ZFHX3: variants seen among roughly 807,000 people sequenced by gnomAD.
ZFHX3 encodes the protein zinc finger homeobox protein 3.
ZFHX3 carries 42 observed loss-of-function variants against 279.1 expected under a neutral mutation model. That is an observed-to-expected ratio of 0.15 (90% CI 0.12 to 0.19). ZFHX3 has a LOEUF of 0.19. Ranked by LOEUF, ZFHX3 falls within the 10% of genes least tolerant of loss-of-function variation. ZFHX3 has a pLI of 1.00. For missense variants in ZFHX3, 4,981 were observed against 4,754.0 expected (o/e 1.05, Z -1.40); for synonymous variants, 2,293 against 1,957.8 (o/e 1.17, Z -4.52).
intron 1 of ZFHX3, among the ~76,000 whole-genome samples, chr16:73,732,844 G>C (rs1203449761): frequency 1.3e-5 from 2 of 152,166 alleles, no homozygotes; most frequent in Admixed American, 1.3e-4. Context: ...ATTTGCCTTT[G>C]CTGGTTTCTT....
At chr16:73,729,660 T>G (rs1030917264) in intron 1 of ZFHX3, among the ~76,000 whole-genome samples, 41 of 151,950 alleles carry the variant, frequency 2.7e-4, no homozygotes, top group Admixed American at 2.7e-3. Context: ...CACCATAGCA[T>G]CCTTGCCAAC....
chr16:73,585,648 G>A (rs2051918307), intron 2 of ZFHX3, among the ~76,000 whole-genome samples: 2 of 152,144 alleles, frequency 1.3e-5, no homozygotes, highest in African/African-American at 4.8e-5. Context: ...ACAAAAAGAT[G>A]TGATAAGGAA....
chr16:73,557,627 G>A (rs2020307603), intron 2 of ZFHX3, among the ~76,000 whole-genome samples: 1 of 152,170 alleles, frequency 6.6e-6, no homozygotes, highest in Non-Finnish European at 1.5e-5. Flanking sequence ...GCTGTTGGGA[G>A]TGTAGCAGTG....
At chr16:73,658,960 C>T (rs1389137854) in intron 2 of ZFHX3, among the ~76,000 whole-genome samples, 1 of 152,110 alleles carries the variant, frequency 6.6e-6, no homozygotes, top group African/African-American at 2.4e-5. Flanking sequence ...ACTTTCCCCC[C>T]AAATCCACCC....
At chr16:73,349,424 T>C (rs1225432833) in intron 3 of ZFHX3, among the ~76,000 whole-genome samples, 1 of 152,234 alleles carries the variant, frequency 6.6e-6, no homozygotes, top group Non-Finnish European at 1.5e-5. Flanking sequence ...TAGTGTGCTC[T>C]CGTAGGAGGT....
intron 5 of ZFHX3, among the ~76,000 whole-genome samples, chr16:73,198,992 C>T (rs930729815): frequency 1.3e-5 from 2 of 152,190 alleles, no homozygotes; most frequent in Non-Finnish European, 2.9e-5. Flanking sequence ...CAAATGTGAG[C>T]TCGGGGACTC....
chr16:73,357,108 A>G (rs2016355334), intron 3 of ZFHX3, among the ~76,000 whole-genome samples: 2 of 151,682 alleles, frequency 1.3e-5, no homozygotes, highest in African/African-American at 4.8e-5. Context: ...CCACTCCTCT[A>G]CTAGTGTTTC....
At chr16:73,253,114 C>T (rs2013558947) in intron 5 of ZFHX3, among the ~76,000 whole-genome samples, 1 of 152,192 alleles carries the variant, frequency 6.6e-6, no homozygotes, top group African/African-American at 2.4e-5. Context: ...CACCATTCCA[C>T]CCTCAACCCC....
chr16:73,012,764 T>C (rs186329993), intron 1 of ZFHX3, among the ~76,000 whole-genome samples: 1 of 152,336 alleles, frequency 6.6e-6, no homozygotes, highest in East Asian at 1.9e-4. Flanking sequence ...CAACCTATAC[T>C]TGTTCCAAAA....
At chr16:73,239,297 G>A (rs73597381) in intron 5 of ZFHX3, among the ~76,000 whole-genome samples, 2,545 of 152,264 alleles carry the variant, frequency 0.017, 86 homozygotes, top group African/African-American at 0.059. Context: ...TCTTTCAGGC[G>A]AGAGACAAGC....
In ZFHX3 at chr16:72,961,410, A is replaced by G. The variant is rs532278217; in HGVS notation, c.-49-1216T>C. On this transcript the variant is annotated intron_variant, in intron 1 of 9. Coordinates refer to ENST00000268489, the MANE Select transcript of ZFHX3 (RefSeq NM_006885.4). ...TCTGCTCCTGCAGTAATATCATCGC[A>G]GGGGCGATCATTCCGTCTGGCCCTG... 1.1e-4 allele frequency among the ~76,000 whole-genome samples: 16 copies of G among 152,308 alleles called. No individual in the cohort carries two copies. In the East Asian group the frequency reaches 2.9e-3, roughly 28 times the overall value.
At chr16:73,768,087 T>G (rs2053973507) in intron 1 of ZFHX3, among the ~76,000 whole-genome samples, 1 of 152,202 alleles carries the variant, frequency 6.6e-6, no homozygotes, top group South Asian at 2.1e-4. Flanking sequence ...GTCAAAGTGA[T>G]GCTACCAACC....
intron 4 of ZFHX3, among the ~76,000 whole-genome samples, chr16:72,860,412 C>G (rs894154654): frequency 2.0e-5 from 3 of 152,140 alleles, no homozygotes; most frequent in African/African-American, 7.2e-5. Context: ...TCCCTCCAAA[C>G]CACCTTCCAA....
At chr16:73,203,146 C>A (rs928248993) in intron 5 of ZFHX3, among the ~76,000 whole-genome samples, 3 of 152,078 alleles carry the variant, frequency 2.0e-5, no homozygotes, top group Non-Finnish European at 4.4e-5. Flanking sequence ...CCAGGAGTCA[C>A]TGACCCACAC....
chr16:73,819,961 A>G (rs529468530), intron 1 of ZFHX3, among the ~76,000 whole-genome samples: 2 of 152,296 alleles, frequency 1.3e-5, no homozygotes, highest in Admixed American at 6.5e-5. Flanking sequence ...TCATCCCACC[A>G]ACTCTTCTGC....
At chr16:72,899,980 C>T (rs1404637041) in intron 3 of ZFHX3, among the ~76,000 whole-genome samples, 1 of 151,946 alleles carries the variant, frequency 6.6e-6, no homozygotes, top group Non-Finnish European at 1.5e-5. Flanking sequence ...CCTTGGTTGA[C>T]AATAAAGAAA....
intron 5 of ZFHX3, among the ~76,000 whole-genome samples, chr16:73,214,866 T>TTC (rs2012148439): frequency 1.4e-5 from 2 of 147,480 alleles, no homozygotes; most frequent in Admixed American, 6.8e-5. Context: ...TTTTTTTTTT[T>TTC]TTCTGTTGTT....
chr16:73,444,798 C>T (rs1340211837), intron 3 of ZFHX3, among the ~76,000 whole-genome samples: 5 of 152,060 alleles, frequency 3.3e-5, no homozygotes, highest in Admixed American at 3.3e-4. Flanking sequence ...TCTGTATGTG[C>T]CACCTGACCT....
chr16:73,274,158 G>A (rs558790996), intron 4 of ZFHX3, among the ~76,000 whole-genome samples: 5 of 152,256 alleles, frequency 3.3e-5, no homozygotes, highest in Non-Finnish European at 5.9e-5. Context: ...AAAAAAAAGT[G>A]TAATAGTTAT....
Sources: gnomAD v4.1 joint callset for allele counts (sites outside exome capture counted in the v4.1 genomes callset) on GRCh38, gnomAD v4.1.1 for gene constraint, MANE v1.5 for transcripts, NCBI Gene and HGNC (gene_info 2026-07-23, HGNC 2026-07-21) for gene names.